CLOCK: variants seen among roughly 807,000 people sequenced by gnomAD.
CLOCK encodes circadian locomoter output cycles protein kaput.
In CLOCK, 43 loss-of-function variants were observed where a neutral mutation model predicts 118.4. The ratio of observed to expected loss-of-function variants is 0.36; its 90% CI spans 0.28 to 0.47. The LOEUF is 0.47. Ranked by LOEUF, CLOCK falls within the 20% of genes least tolerant of loss-of-function variation. The probability of loss-of-function intolerance (pLI) is 1.00; values close to 1 mark genes in which losing one functional copy is unlikely to be tolerated. For synonymous variants in CLOCK, 326 were observed against 339.2 expected (o/e 0.96, Z 0.43); for missense variants, 846 against 999.9 (o/e 0.85, Z 2.08).
At chr4:55,462,879 T>C (rs1306986028) in intron 9 of CLOCK, among the ~76,000 whole-genome samples, 1 of 151,124 alleles carries the variant, frequency 6.6e-6, no homozygotes, top group Non-Finnish European at 1.5e-5. Context: ...TCTCAATTTT[T>C]AGACAGTATG....
intron 11 of CLOCK, 56 bp downstream of exon 11, chr4:55,458,836 G>C: frequency 8.1e-7 from 1 of 1,239,442 alleles, no homozygotes; most frequent in African/African-American, 1.5e-5. Flanking sequence ...GAAGTTTCAG[G>C]CAGCTCTCAG....
intron 3 of CLOCK, among the ~76,000 whole-genome samples, chr4:55,485,503 T>C (rs1002582837): frequency 1.4e-4 from 22 of 152,180 alleles, no homozygotes; most frequent in Non-Finnish European, 2.6e-4. Context: ...ACGCTTTCAA[T>C]TCAGAAAGAG....
chr4:55,521,285 C>T (rs546237677), intron 1 of CLOCK, among the ~76,000 whole-genome samples: 1 of 152,264 alleles, frequency 6.6e-6, no homozygotes, highest in South Asian at 2.1e-4. Flanking sequence ...ATGGCATGAT[C>T]TCAGCTCACT....
At position 55,458,968 on chromosome 4, in the gene CLOCK, C is replaced by T. The variant is rs747922908; in HGVS notation, c.716G>A (p.Arg239His). Residue 239 changes from arginine to histidine, a missense_variant, in exon 11 of 23, where the codon CGC becomes CAC. Around this residue, in one of 4 missense-constraint regions of CLOCK, gnomAD observed 246 missense variants for 300.2 expected, o/e 0.82. Coordinates refer to ENST00000513440, the MANE Select transcript of CLOCK (RefSeq NM_004898.4). ...AHNGFEGTIQ[R>H]THRPSYEDRV... ...ATCTTCATAAGATGGCCTATGTGTG[C>T]GTTGTATAGTTCCTTCAAAACCATT... is the stretch of plus-strand genomic sequence containing the variant. 2.5e-6 allele frequency: 4 copies of T among 1,613,712 alleles called. No individual in the cohort carries two copies. Among genetic ancestry groups the T allele is most frequent in the African/African-American group, 1.3e-5 (1 of 74,902 alleles).
Position 55,434,229 on chromosome 4 carries a change from C to G in CLOCK, c.*1186G>C, listed in dbSNP as rs1055500562. 5 of 152,528 alleles carry G rather than the reference C, an allele frequency of 3.3e-5. No individual in the cohort carries two copies. The highest frequency in any genetic ancestry group is 3.9e-4 in the East Asian group (2 of 5,186). 9.4% of individuals were successfully genotyped at this position (152,528 alleles called of 1,614,324 possible). ...AAGGCACTATGGGGTTTTTTCCCCT[C>G]AAATAACCCTGAATCATTTCTGACT... On this transcript the variant is annotated 3_prime_UTR_variant, in exon 23 of 23. Transcript: ENST00000513440.
intron 21 of CLOCK, among the ~76,000 whole-genome samples, chr4:55,441,465 GA>G (rs1186695965): frequency 2.0e-5 from 3 of 152,132 alleles, no homozygotes; most frequent in Non-Finnish European, 4.4e-5. Flanking sequence ...CAATTCCAAA[GA>G]TATGGAATCA....
At chr4:55,438,171 A>G in intron 22 of CLOCK, 111 bp downstream of exon 22, 1 of 1,353,268 alleles carries the variant, frequency 7.4e-7, no homozygotes, top group Non-Finnish European at 1.0e-6. Flanking sequence ...TAAACTGTAC[A>G]ATAAGCTTTT....
At chr4:55,536,430 C>G (rs1488731503) in intron 1 of CLOCK, among the ~76,000 whole-genome samples, 1 of 152,026 alleles carries the variant, frequency 6.6e-6, no homozygotes, top group Non-Finnish European at 1.5e-5. Context: ...GGGGGCAGAT[C>G]CCTCATGAAT....
At chr4:55,453,028 AT>A (rs750707897) in intron 15 of CLOCK, 25 bp downstream of exon 15, 55 of 1,503,270 alleles carry the variant, frequency 3.7e-5, no homozygotes, top group Middle Eastern at 3.5e-4. Flanking sequence ...ATTAAAAATA[AT>A]TTTTTTTAAT....
intron 1 of CLOCK, among the ~76,000 whole-genome samples, chr4:55,531,232 A>G (rs117876670): frequency 0.022 from 3,297 of 149,970 alleles, 185 homozygotes; most frequent in Admixed American, 0.12. Context: ...AGACCCATAG[A>G]AAAAAAAAAT....
Position 55,532,301 on chromosome 4 carries a change from A to G in CLOCK, c.-290+14481T>C, listed in dbSNP as rs1577867677. Among the ~76,000 whole-genome samples, 3 of 152,184 alleles carry G rather than the reference A, an allele frequency of 2.0e-5. No individual in the cohort carries two copies. The East Asian group carries it at 5.8e-4, about 29-fold the overall frequency. ...TCTCATCACTTCTATTCAACACAGT[A>G]CCAGAAGTCCTAGATAGAGCAATTA... On this transcript the variant is annotated intron_variant, in intron 1 of 22. Transcript: ENST00000513440.
intron 7 of CLOCK, 148 bp from the exon 8 acceptor site, chr4:55,470,954 T>G: frequency 1.6e-6 from 1 of 625,018 alleles, no homozygotes; most frequent in Non-Finnish European, 2.8e-6. Flanking sequence ...CCCTTTACAA[T>G]ACCTTGGTAT....
At chr4:55,515,948 T>A (rs112156011) in intron 1 of CLOCK, among the ~76,000 whole-genome samples, 2,492 of 144,648 alleles carry the variant, frequency 0.017, 67 homozygotes, top group African/African-American at 0.07. Context: ...AAAATAAAAA[T>A]TTTTTTAATA....
rs535074908 is a variant in CLOCK at position 55,535,710 on chromosome 4, A to G, written c.-290+11072T>C. 2.0e-5 allele frequency among the ~76,000 whole-genome samples: 3 copies of G among 151,656 alleles called. No homozygotes were observed. The East Asian group carries it at 5.8e-4, about 29-fold the overall frequency. On this transcript the variant is annotated intron_variant, in intron 1 of 22. Transcript: ENST00000513440. ...GAGGAGCTGTGGAAGCATGGGAAAG[A>G]AGGTCTAAAATTCCAGTGATGGGAG...
rs548083892 is a variant in CLOCK at position 55,483,113 on chromosome 4, T to C, written c.-43-285A>G. 2.0e-5 allele frequency among the ~76,000 whole-genome samples: 3 copies of C among 152,308 alleles called. No individual in the cohort carries two copies. In the East Asian group the frequency reaches 5.8e-4, roughly 29 times the overall value. On this transcript the variant is annotated intron_variant, in intron 3 of 22. Transcript: ENST00000513440. ...GGACATTCTCAATATTCAGTATATA[T>C]TTGACTATATAACTACAAATAGTCT... is the stretch of plus-strand genomic sequence containing the variant.
In CLOCK at chr4:55,435,522, T is replaced by G. The variant is rs1577662271; in HGVS notation, c.2434A>C (p.Thr812Pro). Reference protein sequence around the residue: ...LSAAFPLQQSTFPQSHHQQHQ... With the variant: ...LSAAFPLQQSPFPQSHHQQHQ... ...TGCTGGTGATGTGACTGAGGGAAGGTGCTCTGTTGTAGAGGAAATGCAGCA... is the reference window on the plus strand; with the variant it reads ...TGCTGGTGATGTGACTGAGGGAAGGGGCTCTGTTGTAGAGGAAATGCAGCA... Residue 812 changes from threonine to proline, a missense_variant, in exon 23 of 23, where the codon ACC becomes CCC. This residue lies in a region of CLOCK where 520 missense variants were observed against 558.0 expected (regional missense o/e 0.93). Transcript: ENST00000513440. 1.2e-6 allele frequency: 2 copies of G among 1,614,010 alleles called. No homozygotes were observed. Among genetic ancestry groups the G allele is most frequent in the Non-Finnish European group, 1.7e-6 (2 of 1,179,910 alleles).
intron 2 of CLOCK, among the ~76,000 whole-genome samples, chr4:55,501,316 G>C (rs962946472): frequency 4.2e-5 from 6 of 142,666 alleles, no homozygotes; most frequent in Admixed American, 1.4e-4. Flanking sequence ...TGTATATGAG[G>C]GTTTTTTAAA....
Position 55,499,521 on chromosome 4 carries a change from C to T in CLOCK, c.-135-10056G>A, listed in dbSNP as rs138772659. Among the ~76,000 whole-genome samples, 10 of 152,348 alleles carry T rather than the reference C, an allele frequency of 6.6e-5. No individual in the cohort carries two copies. The East Asian group carries it at 1.4e-3, about 21-fold the overall frequency. On this transcript the variant is annotated intron_variant, in intron 2 of 22. Coordinates refer to ENST00000513440, the MANE Select transcript of CLOCK (RefSeq NM_004898.4). ...GCATACAACCTAGATCCCTTGCACT[C>T]GCAGTTCACTGCAGGGTTCACGCTC...
intron 6 of CLOCK, 32 bp downstream of exon 6, chr4:55,478,783 G>C: frequency 6.2e-7 from 1 of 1,601,236 alleles, no homozygotes; most frequent in Non-Finnish European, 8.5e-7. Flanking sequence ...TGCTTTGAGA[G>C]TCTGTTCCAT....
Sources: allele counts gnomAD v4.1 joint callset (sites outside exome capture counted in the v4.1 genomes callset), GRCh38; gene constraint gnomAD v4.1.1; regional missense constraint gnomAD v4.1.1; transcripts MANE v1.5; gene names NCBI Gene and HGNC (gene_info 2026-07-23, HGNC 2026-07-21).